Variants in USP53 observed in about 807,000 individuals in gnomAD.
USP53 encodes the protein ubiquitin carboxyl-terminal hydrolase 53.
A neutral mutation model predicts 94.9 loss-of-function variants in USP53; 71 were observed. That is an observed-to-expected ratio of 0.75 (90% CI 0.62 to 0.91). USP53 has a LOEUF of 0.91. Among genes scored for constraint, USP53 ranks in the 40% least tolerant of loss-of-function variants. The probability of loss-of-function intolerance (pLI) is 0.00; values close to 1 mark genes in which losing one functional copy is unlikely to be tolerated. For synonymous variants in USP53, 375 were observed against 422.7 expected (o/e 0.89, Z 1.39); for missense variants, 1,173 against 1,281.0 (o/e 0.92, Z 1.29).
chr4:119,291,518 A>T (rs1374634428), intron 18 of USP53, among the ~76,000 whole-genome samples: 16 of 152,206 alleles, frequency 1.1e-4, no homozygotes, highest in Non-Finnish European at 2.9e-5. Flanking sequence ...TTTGAAGCTT[A>T]GGTTAAGTAA....
At chr4:119,213,447 A>G (rs948984597) in intron 1 of USP53, among the ~76,000 whole-genome samples, 2 of 151,884 alleles carry the variant, frequency 1.3e-5, no homozygotes, top group African/African-American at 4.8e-5. Flanking sequence ...GGCATTTACC[A>G]AACTATTTTT....
chr4:119,289,013 T>C (rs1254358072), intron 17 of USP53, among the ~76,000 whole-genome samples: 4 of 151,846 alleles, frequency 2.6e-5, no homozygotes, highest in Non-Finnish European at 4.4e-5. Flanking sequence ...ATTTCACTAA[T>C]ATCTTTCTAA....
At chr4:119,226,523 A>T (rs1745273230) in intron 3 of USP53, among the ~76,000 whole-genome samples, 1 of 152,220 alleles carries the variant, frequency 6.6e-6, no homozygotes, top group African/African-American at 2.4e-5. Flanking sequence ...ATGTCAAAAA[A>T]AGATGAAAAA....
intron 14 of USP53, among the ~76,000 whole-genome samples, chr4:119,269,267 A>C (rs1578524183): frequency 6.6e-6 from 1 of 152,310 alleles, no homozygotes; most frequent in Non-Finnish European, 1.5e-5. Flanking sequence ...ACTTGGGTTC[A>C]TATTCCTGGT....
At chr4:119,223,920 G>A (rs1310162901) in intron 3 of USP53, among the ~76,000 whole-genome samples, 1 of 152,150 alleles carries the variant, frequency 6.6e-6, no homozygotes, top group Admixed American at 6.5e-5. Flanking sequence ...TAAGGAAGAT[G>A]ATTTGCATCA....
At chr4:119,285,868 CCAA>C (rs1363354452) in intron 17 of USP53, among the ~76,000 whole-genome samples, 1 of 151,850 alleles carries the variant, frequency 6.6e-6, no homozygotes, top group Non-Finnish European at 1.5e-5. Context: ...CCCAGGACCA[CCAA>C]ATGGCTACCT....
Position 119,291,254 on chromosome 4 carries a change from A to AT in USP53, c.2342dup (p.Arg783LysfsTer6). 2 of 1,508,148 alleles carry AT rather than the reference A, an allele frequency of 1.3e-6. No individual in the cohort carries two copies. Among genetic ancestry groups the AT allele is most frequent in the Non-Finnish European group, 8.9e-7 (1 of 1,118,802 alleles). The allele number at this position is 1,508,148 out of a possible 1,614,324, so 93.4% of individuals were successfully genotyped here. ...ACATTTACAAATAAAAAATCATTTGATAAAAAGGTAACCATATTTTTTTTC... is the reference window on the plus strand; with the variant it reads ...ACATTTACAAATAAAAAATCATTTGATTAAAAAGGTAACCATATTTTTTTTC... On this transcript the variant is annotated frameshift_variant, in exon 18 of 19. Coordinates refer to ENST00000692078, the MANE Select transcript of USP53 (RefSeq NM_001371395.1). LOFTEE classifies it low-confidence loss of function (END_TRUNC).
At chr4:119,233,681 T>C (rs576020704) in intron 3 of USP53, among the ~76,000 whole-genome samples, 1 of 152,306 alleles carries the variant, frequency 6.6e-6, no homozygotes, top group African/African-American at 2.4e-5. Context: ...ATATCTTCAA[T>C]TGGTGAATAT....
chr4:119,279,237 T>C (rs1753101996), intron 17 of USP53, among the ~76,000 whole-genome samples: 1 of 121,320 alleles, frequency 8.2e-6, no homozygotes, highest in Non-Finnish European at 1.7e-5. Flanking sequence ...TGGTTTTATC[T>C]ACTTTTGGTC....
At chr4:119,241,152 G>A (rs1553966426) in intron 5 of USP53, among the ~76,000 whole-genome samples, 1 of 152,098 alleles carries the variant, frequency 6.6e-6, no homozygotes, top group Non-Finnish European at 1.5e-5. Flanking sequence ...ATAGTTCAGA[G>A]AAACAAAACG....
chr4:119,254,284 A>G (rs1749454538), intron 7 of USP53, among the ~76,000 whole-genome samples: 1 of 152,096 alleles, frequency 6.6e-6, no homozygotes, highest in African/African-American at 2.4e-5. Flanking sequence ...GAGGTTGGGG[A>G]AGTTCTCCTG....
At chr4:119,249,009 C>G (rs1429031670) in intron 7 of USP53, 127 bp downstream of exon 7, 6 of 1,121,266 alleles carry the variant, frequency 5.4e-6, no homozygotes, top group African/African-American at 1.6e-5. Context: ...TCCAGTAGAT[C>G]CATATCTTAC....
At chr4:119,290,474 A>T (rs1754629900) in intron 17 of USP53, among the ~76,000 whole-genome samples, 1 of 152,170 alleles carries the variant, frequency 6.6e-6, no homozygotes, top group Non-Finnish European at 1.5e-5. Flanking sequence ...CGATATATAT[A>T]CTTAACCTTT....
At chr4:119,278,365 A>G (rs1286360717) in intron 17 of USP53, among the ~76,000 whole-genome samples, 21 of 150,806 alleles carry the variant, frequency 1.4e-4, no homozygotes, top group African/African-American at 4.9e-4. Context: ...TATGAAGCTT[A>G]GTTTGGCTGG....
chr4:119,230,682 C>T (rs938405405), intron 3 of USP53, among the ~76,000 whole-genome samples: 1 of 152,094 alleles, frequency 6.6e-6, no homozygotes, highest in Non-Finnish European at 1.5e-5. Context: ...ATACAACTCA[C>T]CAAAACACAT....
At chr4:119,291,143 T>TA in intron 17 of USP53, 22 bp from the exon 18 acceptor site, 8 of 747,526 alleles carry the variant, frequency 1.1e-5, no homozygotes, top group East Asian at 3.1e-5. Flanking sequence ...TCATCTCTTC[T>TA]CCCCACCCCA....
intron 3 of USP53, chr4:119,218,789 A>C (rs530256530): frequency 6.6e-6 from 1 of 152,210 alleles, no homozygotes; most frequent in East Asian, 1.9e-4. Flanking sequence ...GTTTTTTTGT[A>C]TTACTTCAAC....
intron 17 of USP53, among the ~76,000 whole-genome samples, chr4:119,277,737 G>T (rs929980152): frequency 7.9e-5 from 11 of 139,728 alleles, no homozygotes; most frequent in East Asian, 2.1e-4. Flanking sequence ...GGGAGTCTAA[G>T]TCTCTTTGTA....
intron 4 of USP53, among the ~76,000 whole-genome samples, chr4:119,236,119 C>T (rs1746708651): frequency 6.6e-6 from 1 of 152,106 alleles, no homozygotes; most frequent in South Asian, 2.1e-4. Flanking sequence ...TGAGGTATTG[C>T]AGGTTTGATT....
Sources: allele counts gnomAD v4.1 joint callset (sites outside exome capture counted in the v4.1 genomes callset), GRCh38; gene constraint gnomAD v4.1.1; transcripts MANE v1.5; gene names NCBI Gene and HGNC (gene_info 2026-07-23, HGNC 2026-07-21).